The following PIK3C2G variants were observed in gnomAD, a reference collection of about 807,000 sequenced individuals.
PIK3C2G encodes the protein phosphatidylinositol-4-phosphate 3-kinase catalytic subunit type 2 gamma.
PIK3C2G carries 168 observed loss-of-function variants against 181.1 expected under a neutral mutation model. The observed-to-expected ratio is 0.93, with a 90% CI of 0.82 to 1.05. The LOEUF (loss-of-function observed/expected upper bound fraction) is 1.05, where lower values mean the gene tolerates loss of function less well. PIK3C2G is among the 50% of genes least tolerant of loss of function. The pLI is 0.00. For synonymous variants in PIK3C2G, 573 were observed against 592.2 expected, an observed-to-expected ratio of 0.97 and a Z score of 0.47; for missense variants, 1,869 against 1,732.8, an observed-to-expected ratio of 1.08 and a Z score of -1.40.
At chr12:18,424,454 T>A (rs1185860733) in intron 18 of PIK3C2G, among the ~76,000 whole-genome samples, 1 of 152,238 alleles carries the variant, frequency 6.6e-6, no homozygotes, top group African/African-American at 2.4e-5. Context: ...CAAAGGCTAA[T>A]GTATACTCAT....
At chr12:18,670,595 G>A in the PIK3C2G span, among the ~76,000 whole-genome samples, 7 of 152,062 alleles carry the variant, frequency 4.6e-5, no homozygotes, top group Admixed American at 1.3e-4. Context: ...GGTTAACTTC[G>A]TTTCTGCATA....
At position 18,341,310 on chromosome 12, in the gene PIK3C2G, A is replaced by G. The variant is rs145571922; in HGVS notation, c.1396-2017A>G. On this transcript the variant is annotated intron_variant, in intron 9 of 32. Transcript: ENST00000538779. ...TGGGTATTTCATAGGAAAGCCATAA[A>G]CAATTATAATACTCAAGAAAAACTC... Among the ~76,000 whole-genome samples the G allele has an allele frequency of 1.0e-3, 152 of 152,286 alleles. 1 individual carries two copies. The East Asian group carries it at 0.022, about 22-fold the overall frequency.
intron 1 of PIK3C2G, among the ~76,000 whole-genome samples, chr12:18,269,789 C>G (rs1373104960): frequency 6.6e-6 from 1 of 151,894 alleles, no homozygotes; most frequent in East Asian, 1.9e-4. Context: ...TACATAGAAT[C>G]AGTTAAATAA....
At chr12:18,444,498 G>C (rs1946921691) in intron 18 of PIK3C2G, among the ~76,000 whole-genome samples, 1 of 152,110 alleles carries the variant, frequency 6.6e-6, no homozygotes. Context: ...TGGTGGTTTT[G>C]ACCTTTCCTT....
the PIK3C2G span, among the ~76,000 whole-genome samples, chr12:18,669,967 C>A: frequency 6.6e-6 from 1 of 152,042 alleles, no homozygotes; most frequent in Non-Finnish European, 1.5e-5. Flanking sequence ...CGCGCCCGGC[C>A]CTCTTCCTCT....
At chr12:18,288,117 G>A (rs1443608722) in intron 3 of PIK3C2G, among the ~76,000 whole-genome samples, 2 of 152,134 alleles carry the variant, frequency 1.3e-5, no homozygotes, top group African/African-American at 2.4e-5. Flanking sequence ...AGCTGAGGTC[G>A]CGCCACTGCA....
chr12:18,464,508 G>A (rs1457481887), intron 18 of PIK3C2G, among the ~76,000 whole-genome samples: 1 of 152,014 alleles, frequency 6.6e-6, no homozygotes. Flanking sequence ...AGTTTAAGAG[G>A]CATCAAAATA....
At chr12:18,569,495 T>C (rs1408033082) in intron 29 of PIK3C2G, among the ~76,000 whole-genome samples, 1 of 152,206 alleles carries the variant, frequency 6.6e-6, no homozygotes, top group Non-Finnish European at 1.5e-5. Context: ...TATTTTATTA[T>C]ACAAATATAT....
Position 18,371,186 on chromosome 12 carries a change from T to C in PIK3C2G, c.1755T>C (p.Asn585=). Residue 585 remains asparagine (N), a synonymous_variant, in exon 13 of 33, where the codon AAT becomes AAC. Coordinates refer to ENST00000538779, the MANE Select transcript of PIK3C2G (RefSeq NM_001288772.2). ...FFLVNWNETI[N]FPLEIKSLPR... is the part of the protein sequence containing the mutation. Reference sequence around the variant, plus strand: ...TTCTTTCTTTTATTCTCAGGATCAATTTTCCCCTTGAAATAAAGTCACTTC... The same window carrying C: ...TTCTTTCTTTTATTCTCAGGATCAACTTTCCCCTTGAAATAAAGTCACTTC... The C allele has an allele frequency of 6.2e-7, 1 of 1,605,016 alleles. No homozygotes were observed. Among genetic ancestry groups the C allele is most frequent in the Middle Eastern group, 1.7e-4 (1 of 6,044 alleles).
At chr12:18,300,813 T>C (rs147512151) in intron 5 of PIK3C2G, among the ~76,000 whole-genome samples, 2 of 152,266 alleles carry the variant, frequency 1.3e-5, no homozygotes, top group Non-Finnish European at 2.9e-5. Flanking sequence ...TTTCATGTGC[T>C]TTCATGATGA....
Position 18,528,295 on chromosome 12 carries a change from A to G in PIK3C2G, c.3324-9861A>G, listed in dbSNP as rs558921210. ...ACAGTATAAGCTTAAACATTCCCCAATGTGCTTTGTAGTCATTATTTCTAT... is the reference window on the plus strand; with the variant it reads ...ACAGTATAAGCTTAAACATTCCCCAGTGTGCTTTGTAGTCATTATTTCTAT... On this transcript the variant is annotated intron_variant, in intron 24 of 32. Transcript: ENST00000538779. Among the ~76,000 whole-genome samples, 13 of 152,212 alleles carry G rather than the reference A, an allele frequency of 8.5e-5. No homozygotes were observed. The South Asian group carries it at 1.2e-3, about 15-fold the overall frequency.
chr12:18,594,466 A>G (rs1947247638), intron 29 of PIK3C2G, 28 bp from the exon 30 acceptor site: 1 of 1,392,224 alleles, frequency 7.2e-7, no homozygotes, highest in Non-Finnish European at 9.8e-7. Context: ...AGAAATAAAG[A>G]AATATTATGT....
At chr12:18,319,082 C>A (rs1950994249) in intron 6 of PIK3C2G, among the ~76,000 whole-genome samples, 1 of 145,856 alleles carries the variant, frequency 6.9e-6, no homozygotes, top group South Asian at 2.5e-4. Context: ...AAGACTCTGT[C>A]TCAAAAAAAA....
At chr12:18,343,802 T>TA (rs1939382440) in intron 10 of PIK3C2G, among the ~76,000 whole-genome samples, 1 of 152,098 alleles carries the variant, frequency 6.6e-6, no homozygotes, top group South Asian at 2.1e-4. Context: ...ACCAAGCTAA[T>TA]ATAACAGGTA....
intron 8 of PIK3C2G, among the ~76,000 whole-genome samples, chr12:18,335,051 G>C (rs10047642): frequency 6.6e-6 from 1 of 152,094 alleles, no homozygotes; most frequent in Non-Finnish European, 1.5e-5. Flanking sequence ...ACAGACGAGG[G>C]TTCAGTTCCT....
At chr12:18,609,452 C>T (rs1342362416) in intron 30 of PIK3C2G, 83 bp from the exon 31 acceptor site, 5 of 718,990 alleles carry the variant, frequency 7.0e-6, no homozygotes, top group South Asian at 1.6e-5. Context: ...ATTTATTGGT[C>T]CTGTTTTAGT....
At chr12:18,252,162 T>C (rs1018314117) in intron 1 of PIK3C2G, among the ~76,000 whole-genome samples, 2 of 152,160 alleles carry the variant, frequency 1.3e-5, no homozygotes, top group African/African-American at 2.4e-5. Flanking sequence ...TACAATTCTC[T>C]GAGTATAACA....
At chr12:18,288,095 G>A (rs1223568885) in intron 3 of PIK3C2G, among the ~76,000 whole-genome samples, 3 of 152,260 alleles carry the variant, frequency 2.0e-5, no homozygotes, top group Admixed American at 6.5e-5. Context: ...CTGGGAGGTG[G>A]AGATTGCAGT....
At chr12:18,460,745 A>G (rs912758612) in intron 18 of PIK3C2G, among the ~76,000 whole-genome samples, 5 of 151,842 alleles carry the variant, frequency 3.3e-5, no homozygotes, top group East Asian at 1.9e-4. Context: ...AGATTAGCAT[A>G]CATATCAAAT....
Sources: gnomAD v4.1 joint callset for allele counts (sites outside exome capture counted in the v4.1 genomes callset) on GRCh38, gnomAD v4.1.1 for gene constraint, MANE v1.5 for transcripts, NCBI Gene and HGNC (gene_info 2026-07-23, HGNC 2026-07-21) for gene names.